The following MACROD2 variants were observed in gnomAD, a reference collection of about 807,000 sequenced individuals.
The protein encoded by MACROD2 is mono-ADP ribosylhydrolase 2.
In MACROD2, 36 loss-of-function variants were observed where a neutral mutation model predicts 70.4. The ratio of observed to expected loss-of-function variants is 0.51; its 90% CI spans 0.39 to 0.68. MACROD2 has a LOEUF of 0.68. Among genes scored for constraint, MACROD2 ranks in the 30% least tolerant of loss-of-function variants. MACROD2 has a pLI of 0.00. For synonymous variants in MACROD2, 172 were observed against 178.8 expected (o/e 0.96, Z 0.30); for missense variants, 496 against 538.4 (o/e 0.92, Z 0.78).
intron 8 of MACROD2, among the ~76,000 whole-genome samples, chr20:15,544,248 C>A (rs73897659): frequency 6.6e-6 from 1 of 152,090 alleles, no homozygotes; most frequent in Non-Finnish European, 1.5e-5. Flanking sequence ...CTGGCTATGG[C>A]GTTAATAATA....
chr20:14,796,007 C>T (rs1175736125), intron 5 of MACROD2, among the ~76,000 whole-genome samples: 2 of 152,030 alleles, frequency 1.3e-5, no homozygotes, highest in Non-Finnish European at 2.9e-5. Context: ...TTCCATTGAC[C>T]TTGACATGAA....
intron 8 of MACROD2, among the ~76,000 whole-genome samples, chr20:15,836,636 T>G (rs927722239): frequency 2.0e-5 from 3 of 152,236 alleles, no homozygotes; most frequent in Admixed American, 6.5e-5. Flanking sequence ...CTGCTTTTAT[T>G]CATTTTACAA....
rs186322175 is a variant in MACROD2, at chr20:14,823,226, A to C, written c.418+138267A>C. 1.5e-4 allele frequency among the ~76,000 whole-genome samples: 23 copies of C among 152,192 alleles called. No homozygotes were observed. In the East Asian group the frequency reaches 4.4e-3, roughly 29 times the overall value. On this transcript the variant is annotated intron_variant, in intron 5 of 17. Transcript: ENST00000684519. ...ACTTCTCCCTATTTGTAACTTGTTG[A>C]TCTTCTTCAGAAATATTTTCTTTTC...
At chr20:15,519,061 TC>T (rs1398208253) in intron 8 of MACROD2, among the ~76,000 whole-genome samples, 1 of 70,338 alleles carries the variant, frequency 1.4e-5, no homozygotes, top group East Asian at 3.0e-4. Flanking sequence ...GCTCTTTCCT[TC>T]CTTCCTTCCT....
In MACROD2 at chr20:15,009,495, C is replaced by T. The variant is rs578061384; in HGVS notation, c.419-220445C>T. On this transcript the variant is annotated intron_variant, in intron 5 of 17. Coordinates refer to ENST00000684519, the MANE Select transcript of MACROD2 (RefSeq NM_001351661.2). ...AGGTGTGTATCTTCTCACACTTGAT[C>T]TTCTGAACTCAGAGGACAGAGATCT... Among the ~76,000 whole-genome samples, 7 of 152,256 alleles carry T rather than the reference C, an allele frequency of 4.6e-5. No individual in the cohort carries two copies. In the South Asian group the frequency reaches 8.3e-4, roughly 18 times the overall value.
At chr20:15,944,845 A>T (rs1436150778) in intron 12 of MACROD2, among the ~76,000 whole-genome samples, 2 of 152,202 alleles carry the variant, frequency 1.3e-5, no homozygotes, top group African/African-American at 2.4e-5. Context: ...TTTGGAGACT[A>T]TCTATCATGC....
At chr20:15,596,806 G>C (rs925819338) in intron 8 of MACROD2, among the ~76,000 whole-genome samples, 1 of 152,202 alleles carries the variant, frequency 6.6e-6, no homozygotes, top group Admixed American at 6.5e-5. Context: ...GCCCTGGTCA[G>C]ACATTCCTAC....
At chr20:15,895,341 G>A (rs2064954470) in intron 10 of MACROD2, among the ~76,000 whole-genome samples, 1 of 152,196 alleles carries the variant, frequency 6.6e-6, no homozygotes, top group African/African-American at 2.4e-5. Context: ...TTGCTAGCAG[G>A]GACATTCTGT....
At chr20:15,242,445 A>G (rs1360131958) in intron 6 of MACROD2, among the ~76,000 whole-genome samples, 1 of 152,282 alleles carries the variant, frequency 6.6e-6, no homozygotes, top group African/African-American at 2.4e-5. Context: ...TTATATAATA[A>G]GTGTTTGAGA....
chr20:14,508,568 A>G (rs2084994728), intron 4 of MACROD2, among the ~76,000 whole-genome samples: 1 of 152,156 alleles, frequency 6.6e-6, no homozygotes, highest in Non-Finnish European at 1.5e-5. Context: ...TAGAATATTA[A>G]AAGTTCACTT....
At chr20:14,715,865 A>G (rs565194292) in intron 5 of MACROD2, among the ~76,000 whole-genome samples, 7 of 152,290 alleles carry the variant, frequency 4.6e-5, no homozygotes, top group African/African-American at 1.7e-4. Flanking sequence ...ATTACTCGGG[A>G]CCTTTTTGCT....
At chr20:15,409,197 A>G (rs2046044295) in intron 6 of MACROD2, among the ~76,000 whole-genome samples, 1 of 152,216 alleles carries the variant, frequency 6.6e-6, no homozygotes, top group African/African-American at 2.4e-5. Flanking sequence ...GATGGGTGAT[A>G]CATATCCTAA....
intron 2 of MACROD2, among the ~76,000 whole-genome samples, chr20:14,010,702 T>G (rs2148616419): frequency 6.6e-6 from 1 of 152,042 alleles, no homozygotes; most frequent in East Asian, 1.9e-4. Context: ...AGCACTCATC[T>G]CCATCAAGTT....
At chr20:14,269,985 C>A (rs1046155370) in intron 3 of MACROD2, among the ~76,000 whole-genome samples, 8 of 152,042 alleles carry the variant, frequency 5.3e-5, no homozygotes, top group African/African-American at 1.2e-4. Context: ...ACCTACTACT[C>A]CAAGAAATCT....
intron 8 of MACROD2, among the ~76,000 whole-genome samples, chr20:15,745,886 T>C (rs1450185912): frequency 6.6e-6 from 1 of 152,176 alleles, no homozygotes; most frequent in East Asian, 1.9e-4. Context: ...TCTGTCCACT[T>C]GTATGTTTGT....
At chr20:14,611,747 T>C (rs180822968) in intron 4 of MACROD2, among the ~76,000 whole-genome samples, 1 of 152,232 alleles carries the variant, frequency 6.6e-6, no homozygotes, top group African/African-American at 2.4e-5. Flanking sequence ...TTATCTTAAA[T>C]GTAGTCTTTA....
chr20:14,104,144 A>C (rs1194828004), intron 3 of MACROD2, among the ~76,000 whole-genome samples: 1 of 152,306 alleles, frequency 6.6e-6, no homozygotes, highest in East Asian at 1.9e-4. Flanking sequence ...TACCATTATT[A>C]GGTTTGATGA....
chr20:15,296,264 GA>G (rs1265471162), intron 6 of MACROD2, among the ~76,000 whole-genome samples: 1 of 152,124 alleles, frequency 6.6e-6, no homozygotes, highest in African/African-American at 2.4e-5. Flanking sequence ...CAGATCAAAT[GA>G]CCCAGCTTTT....
chr20:15,670,575 C>A (rs896766974), intron 8 of MACROD2, among the ~76,000 whole-genome samples: 8 of 152,086 alleles, frequency 5.3e-5, no homozygotes, highest in Non-Finnish European at 1.2e-4. Context: ...CATAAATGTC[C>A]CAAATACATC....
Sources: gnomAD v4.1 joint callset for allele counts (sites outside exome capture counted in the v4.1 genomes callset) on GRCh38, gnomAD v4.1.1 for gene constraint, MANE v1.5 for transcripts, NCBI Gene and HGNC (gene_info 2026-07-23, HGNC 2026-07-21) for gene names.